NUDCD1: variants seen among roughly 807,000 people sequenced by gnomAD.
NUDCD1 encodes the protein nudC domain-containing protein 1.
A neutral mutation model predicts 67.8 loss-of-function variants in NUDCD1; 60 were observed. The observed-to-expected ratio is 0.88, with a 90% confidence interval of 0.72 to 1.10. The LOEUF (loss-of-function observed/expected upper bound fraction) is 1.10, where lower values mean the gene tolerates loss of function less well. Ranked by LOEUF, NUDCD1 falls within the 50% of genes least tolerant of loss-of-function variation. NUDCD1 has a pLI of 0.00. For missense variants in NUDCD1, 643 were observed against 695.0 expected (o/e 0.93, Z 0.84); for synonymous variants, 244 against 230.8 (o/e 1.06, Z -0.52).
chr8:109,257,976 CATA>C (rs1383298715), intron 8 of NUDCD1, among the ~76,000 whole-genome samples: 2 of 152,082 alleles, frequency 1.3e-5, no homozygotes, highest in Non-Finnish European at 2.9e-5. Flanking sequence ...GTTTTACTCT[CATA>C]ATGACATATT....
At chr8:109,279,697 G>T (rs113430921) in intron 6 of NUDCD1, among the ~76,000 whole-genome samples, 10,726 of 151,894 alleles carry the variant, frequency 0.071, 1,232 homozygotes, top group African/African-American at 0.24. Context: ...GGAAAGCAAT[G>T]GCCTGGTCTC....
intron 5 of NUDCD1, among the ~76,000 whole-genome samples, chr8:109,285,724 C>T (rs1239673958): frequency 6.6e-6 from 1 of 152,102 alleles, no homozygotes; most frequent in Middle Eastern, 3.4e-3. Flanking sequence ...CAGGCAAAAA[C>T]GAAGCATTCC....
rs1160294952 is a variant in NUDCD1, at chr8:109,322,508, CAGAT to C, written c.119-49_119-46del. ...AACATAAACATCAAGAGTTTTGCCT[CAGAT>C]AGTTTCTATCTGTAGAATGCCTACA... On this transcript the variant is annotated intron_variant, in intron 1 of 9. Coordinates refer to ENST00000239690, the MANE Select transcript of NUDCD1 (RefSeq NM_032869.4). 8.0e-6 allele frequency: 12 copies of C among 1,495,624 alleles called. 1 individual carries two copies. The highest frequency in any genetic ancestry group is 1.1e-5 in the Non-Finnish European group (12 of 1,097,352). The allele number at this position is 1,495,624 out of a possible 1,614,324, so 92.6% of individuals were successfully genotyped here.
chr8:109,267,138 T>A (rs1235809269), intron 8 of NUDCD1, among the ~76,000 whole-genome samples: 1 of 152,166 alleles, frequency 6.6e-6, no homozygotes, highest in Non-Finnish European at 1.5e-5. Context: ...ATTTTTAAAT[T>A]TTATGTTCAG....
intron 8 of NUDCD1, among the ~76,000 whole-genome samples, chr8:109,267,835 C>T (rs1814038934): frequency 6.6e-6 from 1 of 152,178 alleles, no homozygotes. Flanking sequence ...CCACAGAAAT[C>T]TATTGTTCAC....
chr8:109,305,859 C>T (rs1443229513), intron 2 of NUDCD1, among the ~76,000 whole-genome samples: 1 of 152,170 alleles, frequency 6.6e-6, no homozygotes, highest in Admixed American at 6.5e-5. Context: ...GTCAGCCAGC[C>T]AGCCTGATTT....
intron 8 of NUDCD1, among the ~76,000 whole-genome samples, chr8:109,256,364 T>C (rs527601196): frequency 1.3e-5 from 2 of 152,278 alleles, no homozygotes; most frequent in Non-Finnish European, 2.9e-5. Context: ...TTCATTAAAA[T>C]ACCACAGAAG....
At chr8:109,282,291 C>T (rs1814462474) in intron 5 of NUDCD1, among the ~76,000 whole-genome samples, 1 of 152,146 alleles carries the variant, frequency 6.6e-6, no homozygotes, top group Non-Finnish European at 1.5e-5. Context: ...ATATACCCTG[C>T]TGCACTGGCT....
intron 2 of NUDCD1, chr8:109,313,844 TA>T: frequency 1.8e-6 from 2 of 1,121,222 alleles, no homozygotes; most frequent in Non-Finnish European, 2.4e-6. Context: ...ATCAATCAGA[TA>T]AATGGGTACA....
intron 1 of NUDCD1, 107 bp downstream of exon 1, chr8:109,333,786 G>A (rs372598006): frequency 2.0e-5 from 25 of 1,233,488 alleles, no homozygotes; most frequent in Non-Finnish European, 2.5e-5. Context: ...AAGCCGCCAC[G>A]GTGGCTTCGC....
intron 8 of NUDCD1, among the ~76,000 whole-genome samples, chr8:109,266,705 AAAT>A (rs1029094797): frequency 1.3e-5 from 2 of 152,156 alleles, no homozygotes; most frequent in African/African-American, 2.4e-5. Flanking sequence ...TTAGAAGTAA[AAAT>A]AATTCATCTT....
At chr8:109,248,341 A>G (rs1435678726) in intron 8 of NUDCD1, among the ~76,000 whole-genome samples, 1 of 152,240 alleles carries the variant, frequency 6.6e-6, no homozygotes, top group Non-Finnish European at 1.5e-5. Flanking sequence ...AATTCGTTGC[A>G]GTAATAACAG....
intron 1 of NUDCD1, among the ~76,000 whole-genome samples, chr8:109,331,162 A>T (rs773630513): frequency 5.1e-4 from 77 of 152,046 alleles, no homozygotes; most frequent in Non-Finnish European, 6.0e-4. Context: ...CCAAGATAGT[A>T]AAACTCCGTC....
chr8:109,275,251 A>G, intron 7 of NUDCD1, 101 bp downstream of exon 7: 1 of 1,107,290 alleles, frequency 9.0e-7, no homozygotes, highest in Non-Finnish European at 1.3e-6. Flanking sequence ...TGTATCTTTT[A>G]TATTAGGAAA....
intron 1 of NUDCD1, among the ~76,000 whole-genome samples, chr8:109,332,236 T>A (rs1815821354): frequency 6.6e-6 from 1 of 152,084 alleles, no homozygotes; most frequent in Admixed American, 6.5e-5. Context: ...AGCCCAAAAG[T>A]GAAGGCAGGA....
intron 2 of NUDCD1, among the ~76,000 whole-genome samples, chr8:109,311,499 G>A (rs1335240627): frequency 6.7e-6 from 1 of 148,668 alleles, no homozygotes; most frequent in Non-Finnish European, 1.5e-5. Flanking sequence ...ATTCACAACT[G>A]CAAAAAGTGG....
chr8:109,329,102 A>G (rs1455093545), intron 1 of NUDCD1, among the ~76,000 whole-genome samples: 1 of 152,072 alleles, frequency 6.6e-6, no homozygotes, highest in Admixed American at 6.5e-5. Flanking sequence ...AAAATACACC[A>G]GATGGGATTA....
At chr8:109,311,559 G>GTGTGTGTATGTATATATATATATA in intron 2 of NUDCD1, among the ~76,000 whole-genome samples, 2 of 125,114 alleles carry the variant, frequency 1.6e-5, no homozygotes, top group African/African-American at 7.0e-5. Flanking sequence ...AAACTGTGGT[G>GTGTGTGTATGTATATATATATATA]TATATATATA....
At chr8:109,250,596 A>G (rs1813600510) in intron 8 of NUDCD1, among the ~76,000 whole-genome samples, 1 of 152,190 alleles carries the variant, frequency 6.6e-6, no homozygotes, top group Non-Finnish European at 1.5e-5. Flanking sequence ...GTCTTTTACC[A>G]TGAAGTATGG....
Sources: allele counts gnomAD v4.1 joint callset (sites outside exome capture counted in the v4.1 genomes callset), GRCh38; gene constraint gnomAD v4.1.1; transcripts MANE v1.5; gene names NCBI Gene and HGNC (gene_info 2026-07-23, HGNC 2026-07-21).